The following ASPG variants were observed in gnomAD, a reference collection of about 807,000 sequenced individuals.
ASPG encodes 60 kDa lysophospholipase.
A neutral mutation model predicts 63.2 loss-of-function variants in ASPG; 53 were observed. The observed-to-expected ratio is 0.84, with a 90% confidence interval of 0.67 to 1.05. The LOEUF (loss-of-function observed/expected upper bound fraction) is 1.05. Ranked by LOEUF, ASPG falls within the 50% of genes least tolerant of loss-of-function variation. The pLI is 0.00. For missense variants in ASPG, 741 were observed against 794.4 expected, an observed-to-expected ratio of 0.93 and a Z score of 0.81; for synonymous variants, 370 against 355.0, an observed-to-expected ratio of 1.04 and a Z score of -0.48.
intron 10 of ASPG, 103 bp from the exon 11 acceptor site, chr14:104,106,696 C>T: frequency 9.5e-7 from 1 of 1,050,144 alleles, no homozygotes; most frequent in Non-Finnish European, 1.4e-6. Context: ...ATCTGCGGGC[C>T]CTTGTGTGGG....
At chr14:104,087,715 C>G (rs1448201448) in intron 1 of ASPG, among the ~76,000 whole-genome samples, 2 of 152,166 alleles carry the variant, frequency 1.3e-5, no homozygotes, top group South Asian at 2.1e-4. Context: ...TCGTTGAGCT[C>G]AACATGTAGT....
chr14:104,095,424 T>C, intron 3 of ASPG, 107 bp from the exon 4 acceptor site: 1 of 1,505,700 alleles, frequency 6.6e-7, no homozygotes, highest in Non-Finnish European at 9.0e-7. Flanking sequence ...CACGGGTGCC[T>C]CCCCTGAGTC....
chr14:104,096,926 G>A (rs1046108016), intron 4 of ASPG, among the ~76,000 whole-genome samples: 8 of 152,196 alleles, frequency 5.3e-5, no homozygotes, highest in Non-Finnish European at 1.2e-4. Flanking sequence ...CGCCACCTGC[G>A]CCCTCCTGGG....
At chr14:104,107,975 G>A (rs146979265) in intron 12 of ASPG, among the ~76,000 whole-genome samples, 1 of 152,222 alleles carries the variant, frequency 6.6e-6, no homozygotes, top group African/African-American at 2.4e-5. Context: ...ATTCCTCCCT[G>A]TGGGTGGGAG....
intron 4 of ASPG, among the ~76,000 whole-genome samples, chr14:104,096,298 C>T (rs1181321480): frequency 6.6e-6 from 1 of 152,186 alleles, no homozygotes; most frequent in Non-Finnish European, 1.5e-5. Flanking sequence ...GGGATCCTTT[C>T]CCACGGCTGA....
chr14:104,089,947 C>CAAAAA (rs58405958), intron 1 of ASPG, among the ~76,000 whole-genome samples: 30 of 56,348 alleles, frequency 5.3e-4, no homozygotes, highest in East Asian at 1.8e-3. Flanking sequence ...GACTCTGCCT[C>CAAAAA]AAAAAAAAAA....
rs568460528 is a variant in ASPG at position 104,111,598 on chromosome 14, C to T, written c.1617C>T (p.His539=). The T allele has an allele frequency of 4.5e-6, 7 of 1,549,936 alleles. No individual in the cohort carries two copies. The highest frequency in any genetic ancestry group is 4.9e-5 in the East Asian group (2 of 40,938). Residue 539 remains histidine, a synonymous_variant, in exon 14 of 16, where the codon CAC becomes CAT. Coordinates refer to ENST00000551177, the MANE Select transcript of ASPG (RefSeq NM_001080464.3). ...GCTATGACGGGCACAGCGCCCTGCA[C>T]GTCGTGAGTGCCCCCACCCCCTGCA... ...QPGYDGHSAL[H]VAEAAGNLAV... is the part of the protein sequence containing the mutation.
chr14:104,087,273 G>A (rs74882305), intron 1 of ASPG, among the ~76,000 whole-genome samples: 4,234 of 152,284 alleles, frequency 0.028, 188 homozygotes, highest in African/African-American at 0.097. Context: ...CTTGGCAAAC[G>A]CCCCTGTGTG....
intron 9 of ASPG, 39 bp downstream of exon 9, chr14:104,104,774 C>T (rs1350805447): frequency 6.6e-7 from 1 of 1,517,068 alleles, no homozygotes; most frequent in Non-Finnish European, 9.0e-7. Flanking sequence ...CCTCGGTGTG[C>T]ACAAGCATGT....
rs1389981199 is a variant in ASPG, at chr14:104,109,388, C to T, written c.1520+73C>T. The stretch of plus-strand genomic sequence containing the variant: ...GCTTGGGGAAGCGAAGCCAGACCTG[C>T]TGGGAGGGACAAGTGAGTCAGGGTG... On this transcript the variant is annotated intron_variant, in intron 13 of 15. Transcript: ENST00000551177. This position sits in a 1 kb window ranked among gnomAD's most constrained non-coding sequence, Gnocchi z 4.8. 4.8e-6 allele frequency: 7 copies of T among 1,471,922 alleles called. No homozygotes were observed. In the South Asian group the frequency reaches 7.9e-5, roughly 17 times the overall value. 91.2% of individuals were successfully genotyped at this position (1,471,922 alleles called of 1,614,324 possible).
intron 1 of ASPG, among the ~76,000 whole-genome samples, chr14:104,087,168 G>A (rs1257423876): frequency 2.0e-5 from 3 of 152,200 alleles, no homozygotes; most frequent in Admixed American, 1.3e-4. Context: ...TCGTCCACGA[G>A]GGACTCAGGT....
chr14:104,109,628 G>A lies in ASPG; in HGVS notation c.1520+313G>A, dbSNP rs896517556. ...TGTGTGTGTGGTGGGCTTGAGGAGGGGTATGGGAATTGGTTGTCGGGTGTG... is the reference window on the plus strand; with the variant it reads ...TGTGTGTGTGGTGGGCTTGAGGAGGAGTATGGGAATTGGTTGTCGGGTGTG... On this transcript the variant is annotated intron_variant, in intron 13 of 15. Transcript: ENST00000551177. This position sits in a 1 kb window ranked among gnomAD's most constrained non-coding sequence, Gnocchi z 4.8. Among the ~76,000 whole-genome samples the A allele has an allele frequency of 8.6e-5, 13 of 151,424 alleles. No individual in the cohort carries two copies. Among genetic ancestry groups the A allele is most frequent in the Non-Finnish European group, 1.6e-4 (11 of 67,838 alleles).
chr14:104,099,907 G>A lies in ASPG; in HGVS notation c.640+928G>A, dbSNP rs539975702. Among the ~76,000 whole-genome samples the A allele has an allele frequency of 5.3e-5, 8 of 152,298 alleles. No homozygotes were observed. In the East Asian group the frequency reaches 1.5e-3, roughly 30 times the overall value. The stretch of plus-strand genomic sequence containing the variant: ...GACACCTCACCCGGGGCTGGGTGGG[G>A]CTGCCTGCCCAGGACCAAAGCAGCT... On this transcript the variant is annotated intron_variant, in intron 6 of 15. Coordinates refer to ENST00000551177, the MANE Select transcript of ASPG (RefSeq NM_001080464.3).
intron 6 of ASPG, 103 bp from the exon 7 acceptor site, chr14:104,103,460 A>C (rs930203667): frequency 9.8e-7 from 1 of 1,021,182 alleles, no homozygotes; most frequent in African/African-American, 1.6e-5. Flanking sequence ...CAGGGCTCTG[A>C]AAACAAGGGA....
At chr14:104,099,566 C>T (rs2036779244) in intron 6 of ASPG, among the ~76,000 whole-genome samples, 1 of 152,196 alleles carries the variant, frequency 6.6e-6, no homozygotes, top group Non-Finnish European at 1.5e-5. Flanking sequence ...GCCCGGAAGT[C>T]ACTCCCTGGC....
intron 13 of ASPG, 65 bp from the exon 14 acceptor site, chr14:104,111,437 G>A: frequency 2.9e-6 from 4 of 1,374,786 alleles, no homozygotes; most frequent in Non-Finnish European, 4.0e-6. Flanking sequence ...TGGGGGACAG[G>A]CACGTGGGCA....
At chr14:104,095,171 G>A (rs1406582299) in intron 3 of ASPG, among the ~76,000 whole-genome samples, 3 of 152,206 alleles carry the variant, frequency 2.0e-5, no homozygotes, top group Non-Finnish European at 4.4e-5. Context: ...CCTGACCCGC[G>A]GTCTGGGCTT....
rs191323894 is a variant in ASPG, at chr14:104,097,780, T to C, written c.513+143T>C. 6.8e-6 allele frequency: 5 copies of C among 737,638 alleles called. No individual in the cohort carries two copies. The East Asian group carries it at 1.4e-4, about 20-fold the overall frequency. The allele number at this position is 737,638 out of a possible 1,614,324, so 45.7% of individuals were successfully genotyped here. On this transcript the variant is annotated intron_variant, in intron 5 of 15. Coordinates refer to ENST00000551177, the MANE Select transcript of ASPG (RefSeq NM_001080464.3). ...GCACTGTCTTCTAGATCTTATGTTG[T>C]GGATATTTACATTAGAGGTACGTAT... is the stretch of plus-strand genomic sequence containing the variant.
intron 7 of ASPG, 63 bp from the exon 8 acceptor site, chr14:104,104,241 G>C (rs1043895411): frequency 2.6e-6 from 4 of 1,528,148 alleles, no homozygotes; most frequent in Non-Finnish European, 3.5e-6. Flanking sequence ...GGCATGGGGC[G>C]AGTCTCAGTG....
Sources: gnomAD v4.1 joint callset for allele counts (sites outside exome capture counted in the v4.1 genomes callset) on GRCh38, gnomAD v4.1.1 for gene constraint, Gnocchi (gnomAD v3.1) non-coding constraint, MANE v1.5 for transcripts, NCBI Gene and HGNC (gene_info 2026-07-23, HGNC 2026-07-21) for gene names.